The following UBE2R2 variants were observed in gnomAD, a reference collection of about 807,000 sequenced individuals.
The protein encoded by UBE2R2 is ubiquitin-conjugating enzyme E2 R2.
A neutral mutation model predicts 27.8 loss-of-function variants in UBE2R2; 1 was observed. That is an observed-to-expected ratio of 0.04 (90% CI 0.01 to 0.17). The LOEUF is 0.17. Among genes scored for constraint, UBE2R2 ranks in the 10% least tolerant of loss-of-function variants. UBE2R2 has a pLI of 1.00. For synonymous variants in UBE2R2, 106 were observed against 113.3 expected (o/e 0.94, Z 0.41); for missense variants, 100 against 291.0 (o/e 0.34, Z 4.78).
intron 1 of UBE2R2, among the ~76,000 whole-genome samples, chr9:33,881,768 A>G (rs1210376331): frequency 6.6e-6 from 1 of 152,190 alleles, no homozygotes; most frequent in African/African-American, 2.4e-5. Flanking sequence ...TGATACCAAT[A>G]TGATTTACTG....
chr9:33,839,900 G>A (rs1820695241), intron 1 of UBE2R2, among the ~76,000 whole-genome samples: 1 of 152,110 alleles, frequency 6.6e-6, no homozygotes, highest in Non-Finnish European at 1.5e-5. Context: ...GGAGGCTGAG[G>A]TTGGAGGATT....
intron 1 of UBE2R2, among the ~76,000 whole-genome samples, chr9:33,860,578 C>G (rs985938928): frequency 2.0e-5 from 3 of 151,896 alleles, no homozygotes; most frequent in Non-Finnish European, 4.4e-5. Context: ...TTTCTTCTTT[C>G]TAGGGGTGGT....
At chr9:33,844,583 G>T (rs145340612) in intron 1 of UBE2R2, among the ~76,000 whole-genome samples, 17 of 128,516 alleles carry the variant, frequency 1.3e-4, no homozygotes, top group Admixed American at 3.5e-4. Flanking sequence ...ATTTAAGGTT[G>T]AACTGAATTA....
At chr9:33,865,201 T>C (rs556351179) in intron 1 of UBE2R2, among the ~76,000 whole-genome samples, 1 of 151,350 alleles carries the variant, frequency 6.6e-6, no homozygotes, top group East Asian at 2.0e-4. Flanking sequence ...TCTCTATCTA[T>C]CTATCTATCT....
intron 1 of UBE2R2, among the ~76,000 whole-genome samples, chr9:33,873,595 T>C (rs1333205065): frequency 6.6e-6 from 1 of 152,168 alleles, no homozygotes; most frequent in Non-Finnish European, 1.5e-5. Flanking sequence ...AACTCATAGA[T>C]TTCATATGTA....
At chr9:33,818,822 T>A (rs1825903156) in intron 1 of UBE2R2, 1 of 152,186 alleles carries the variant, frequency 6.6e-6, no homozygotes, top group Non-Finnish European at 1.5e-5. Context: ...GTCTCACAGA[T>A]GACAAGTATC....
chr9:33,816,728 G>GGA (rs929808887), upstream of UBE2R2, among the ~76,000 whole-genome samples: 12 of 152,334 alleles, frequency 7.9e-5, no homozygotes, highest in Middle Eastern at 6.8e-3. Flanking sequence ...GGTGTCACGG[G>GGA]GAGGGGCCTG....
intron 1 of UBE2R2, among the ~76,000 whole-genome samples, chr9:33,819,211 A>C (rs1315821983): frequency 2.0e-5 from 3 of 152,206 alleles, no homozygotes; most frequent in Non-Finnish European, 4.4e-5. Flanking sequence ...TGAGTATCTT[A>C]GTCATGTAGT....
chr9:33,910,050 T>C (rs536495799), intron 3 of UBE2R2, among the ~76,000 whole-genome samples: 1 of 152,316 alleles, frequency 6.6e-6, no homozygotes, highest in South Asian at 2.1e-4. Flanking sequence ...TAGAGAAATT[T>C]CATTTTTCCT....
intron 1 of UBE2R2, among the ~76,000 whole-genome samples, chr9:33,853,043 A>G (rs186377438): frequency 6.6e-6 from 1 of 152,266 alleles, no homozygotes. Context: ...AATTTTTAAC[A>G]AAGGAAAAAA....
Position 33,852,078 on chromosome 9 carries a change from G to A in UBE2R2, c.177+34144G>A, listed in dbSNP as rs181168314. Among the ~76,000 whole-genome samples, 468 of 152,048 alleles carry A rather than the reference G, an allele frequency of 3.1e-3. 6 individuals carry two copies. The highest frequency in any genetic ancestry group is 0.027 in the Admixed American group (415 of 15,254). On this transcript the variant is annotated intron_variant, in intron 1 of 4. Coordinates refer to ENST00000263228, the MANE Select transcript of UBE2R2 (RefSeq NM_017811.4). ...TGTAATCCCAGCACTTTGGGAGGGT[G>A]AGGGTGAGGACTGCTGAGACCAGGA...
At chr9:33,909,500 TA>T (rs1259432944) in intron 3 of UBE2R2, among the ~76,000 whole-genome samples, 4 of 152,044 alleles carry the variant, frequency 2.6e-5, no homozygotes, top group African/African-American at 9.7e-5. Context: ...AATCAATAAA[TA>T]AAAATTTAAA....
intron 1 of UBE2R2, among the ~76,000 whole-genome samples, chr9:33,866,233 T>A (rs1037843763): frequency 2.0e-5 from 3 of 151,890 alleles, no homozygotes; most frequent in African/African-American, 7.3e-5. Context: ...TTAACTGAAA[T>A]GTAATTAACT....
At position 33,920,297 on chromosome 9, in the gene UBE2R2, G is replaced by A. The variant is rs1427487935; in HGVS notation, c.*3060G>A. 2.6e-5 allele frequency: 4 copies of A among 152,268 alleles called. No homozygotes were observed. Among genetic ancestry groups the A allele is most frequent in the East Asian group, 1.9e-4 (1 of 5,200 alleles). 9.4% of individuals were successfully genotyped at this position (152,268 alleles called of 1,614,324 possible). ...AACTTATGAGAAAAGATTATCTGAC[G>A]GATTTTGTGTTGACTTCCCCTTTAG... On this transcript the variant is annotated 3_prime_UTR_variant, in exon 5 of 5. Coordinates refer to ENST00000263228, the MANE Select transcript of UBE2R2 (RefSeq NM_017811.4).
intron 1 of UBE2R2, among the ~76,000 whole-genome samples, chr9:33,868,369 C>T (rs947702923): frequency 6.6e-6 from 1 of 152,126 alleles, no homozygotes; most frequent in Non-Finnish European, 1.5e-5. Context: ...GGATCCCAGC[C>T]TTTCTGTCAG....
chr9:33,916,380 G>GC (rs1290579201), intron 4 of UBE2R2, among the ~76,000 whole-genome samples: 2 of 152,108 alleles, frequency 1.3e-5, no homozygotes, highest in Non-Finnish European at 2.9e-5. Flanking sequence ...CTGGAATCTG[G>GC]CATAGGCATT....
chr9:33,903,512 T>C (rs1822289764), intron 3 of UBE2R2, among the ~76,000 whole-genome samples: 2 of 152,338 alleles, frequency 1.3e-5, no homozygotes, highest in South Asian at 2.1e-4. Flanking sequence ...GGCTGGATAA[T>C]GTATTGCCAC....
intron 1 of UBE2R2, among the ~76,000 whole-genome samples, chr9:33,820,235 T>G (rs1825955038): frequency 6.6e-6 from 1 of 152,252 alleles, no homozygotes; most frequent in Admixed American, 6.5e-5. Flanking sequence ...GAAGGATTCC[T>G]TGTGTTAATA....
intron 1 of UBE2R2, among the ~76,000 whole-genome samples, chr9:33,851,679 A>G (rs541950638): frequency 1.1e-3 from 171 of 152,262 alleles, no homozygotes; most frequent in Non-Finnish European, 1.9e-3. Flanking sequence ...CTTCTCCACT[A>G]TCAAGTTACT....
Sources: allele counts gnomAD v4.1 joint callset (sites outside exome capture counted in the v4.1 genomes callset), GRCh38; gene constraint gnomAD v4.1.1; transcripts MANE v1.5; gene names NCBI Gene and HGNC (gene_info 2026-07-23, HGNC 2026-07-21).